Variants in BIN3 observed in about 807,000 individuals in gnomAD.
BIN3 encodes bridging integrator 3.
In BIN3, 41 loss-of-function variants were observed where a neutral mutation model predicts 38.2. That is an observed-to-expected ratio of 1.07 (90% confidence interval 0.84 to 1.39). BIN3 has a LOEUF of 1.39. Ranked by LOEUF, BIN3 falls within the 40% of genes most tolerant of loss-of-function variation. BIN3 has a pLI of 0.00. For missense variants in BIN3, 361 were observed against 324.3 expected (o/e 1.11, Z -0.87); for synonymous variants, 145 against 122.6 (o/e 1.18, Z -1.21).
chr8:22,630,585 G>A lies in BIN3; in HGVS notation c.161-7C>T, dbSNP rs750251527. ...ACGGCAGATTTTGACATGGCTGTGG[G>A]AAGCCAAAGCTCGGTGAACCTTCTA... On this transcript the variant is annotated splice_region_variant and splice_polypyrimidine_tract_variant and intron_variant, in intron 4 of 8. Coordinates refer to ENST00000276416, the MANE Select transcript of BIN3 (RefSeq NM_018688.6). 1 of 1,613,790 alleles carries A rather than the reference G, an allele frequency of 6.2e-7. No individual in the cohort carries two copies. Among genetic ancestry groups the A allele is most frequent in the Non-Finnish European group, 8.5e-7 (1 of 1,179,770 alleles).
At chr8:22,630,846 G>C (rs1030655914) in intron 4 of BIN3, among the ~76,000 whole-genome samples, 1 of 152,178 alleles carries the variant, frequency 6.6e-6, no homozygotes, top group Admixed American at 6.5e-5. Flanking sequence ...AGGACCATCT[G>C]GGTGGGAGGC....
At chr8:22,662,367 T>A (rs939334487) in intron 1 of BIN3, among the ~76,000 whole-genome samples, 1 of 152,268 alleles carries the variant, frequency 6.6e-6, no homozygotes, top group Non-Finnish European at 1.5e-5. Flanking sequence ...CTGATGGCTG[T>A]GAAACAGCAT....
chr8:22,661,472 C>T (rs959271506), intron 1 of BIN3, among the ~76,000 whole-genome samples: 3 of 148,034 alleles, frequency 2.0e-5, no homozygotes, highest in African/African-American at 7.5e-5. Flanking sequence ...ATTCTCCTGC[C>T]TCAGCCTCCC....
intron 4 of BIN3, among the ~76,000 whole-genome samples, chr8:22,634,078 G>T (rs1585184368): frequency 6.6e-6 from 1 of 152,236 alleles, no homozygotes; most frequent in Non-Finnish European, 1.5e-5. Flanking sequence ...GCACACCCTG[G>T]CTTCGTTTAT....
At chr8:22,650,029 G>A (rs10216729) in intron 1 of BIN3, among the ~76,000 whole-genome samples, 10,213 of 152,050 alleles carry the variant, frequency 0.067, 483 homozygotes, top group African/African-American at 0.14. Flanking sequence ...TAAGAGCTAC[G>A]GAAGTAAAAT....
At chr8:22,629,101 C>A (rs1300449376) in intron 6 of BIN3, among the ~76,000 whole-genome samples, 1 of 152,222 alleles carries the variant, frequency 6.6e-6, no homozygotes, top group Non-Finnish European at 1.5e-5. Flanking sequence ...CCTGCACAAT[C>A]AACGAACAGC....
Position 22,621,351 on chromosome 8 carries a change from G to C in BIN3, c.*71C>G, listed in dbSNP as rs1323977512. On this transcript the variant is annotated 3_prime_UTR_variant, in exon 9 of 9. Coordinates refer to ENST00000276416, the MANE Select transcript of BIN3 (RefSeq NM_018688.6). The stretch of plus-strand genomic sequence containing the variant: ...CTGTCCCCAGCCTGTGAGAGGAGCA[G>C]CTAGCCCTGAGAAGGGCAAGGATGA... 1 of 1,527,972 alleles carries C rather than the reference G, an allele frequency of 6.5e-7. No homozygotes were observed. The highest frequency in any genetic ancestry group is 8.8e-7 in the Non-Finnish European group (1 of 1,132,214). 94.7% of individuals were successfully genotyped at this position (1,527,972 alleles called of 1,614,324 possible). A position where few individuals can be genotyped will look rare whatever the true frequency, so the allele number is the denominator to read the frequency against.
At chr8:22,648,366 G>C (rs192081721) in intron 1 of BIN3, among the ~76,000 whole-genome samples, 2 of 152,186 alleles carry the variant, frequency 1.3e-5, no homozygotes, top group Admixed American at 1.3e-4. Flanking sequence ...GTCACCTTCA[G>C]TCACTATGTG....
intron 1 of BIN3, among the ~76,000 whole-genome samples, chr8:22,663,076 ACCACTGCACT>A (rs1803288688): frequency 1.3e-5 from 2 of 152,316 alleles, no homozygotes; most frequent in Admixed American, 1.3e-4. Context: ...CTGAGATGGC[ACCACTGCACT>A]CCAGCCTGGG....
At chr8:22,641,255 C>T (rs143361125) in intron 2 of BIN3, among the ~76,000 whole-genome samples, 6 of 152,294 alleles carry the variant, frequency 3.9e-5, no homozygotes, top group African/African-American at 7.2e-5. Flanking sequence ...GCCAGGCTGG[C>T]GAGGTTAGCT....
At chr8:22,644,988 G>T (rs1227699396) in intron 1 of BIN3, 185 bp from the exon 2 acceptor site, 5 of 552,980 alleles carry the variant, frequency 9.0e-6, no homozygotes, top group Non-Finnish European at 1.3e-5. Context: ...CTAAGAGAGA[G>T]ATAGGTCCTC....
intron 1 of BIN3, among the ~76,000 whole-genome samples, chr8:22,646,808 C>G (rs1436335189): frequency 6.6e-6 from 1 of 152,210 alleles, no homozygotes; most frequent in African/African-American, 2.4e-5. Context: ...TTTTCCCATT[C>G]TCAGGGATTA....
At chr8:22,623,150 T>G (rs569574450) in intron 8 of BIN3, among the ~76,000 whole-genome samples, 38 of 152,338 alleles carry the variant, frequency 2.5e-4, no homozygotes, top group Non-Finnish European at 4.3e-4. Flanking sequence ...CTAAGGCTGT[T>G]GCTGAGCGCA....
intron 2 of BIN3, among the ~76,000 whole-genome samples, chr8:22,640,787 C>T (rs1332879595): frequency 6.6e-6 from 1 of 151,696 alleles, no homozygotes; most frequent in Non-Finnish European, 1.5e-5. Flanking sequence ...TGGACTTGTA[C>T]CGGGAGGGAC....
At chr8:22,651,743 T>C (rs1441234683) in intron 1 of BIN3, among the ~76,000 whole-genome samples, 1 of 152,154 alleles carries the variant, frequency 6.6e-6, no homozygotes. Flanking sequence ...TAGGAATATA[T>C]GTTTGTCACG....
intron 1 of BIN3, among the ~76,000 whole-genome samples, chr8:22,658,226 C>A (rs966039495): frequency 1.8e-4 from 28 of 152,262 alleles, no homozygotes; most frequent in African/African-American, 6.5e-4. Context: ...GAAAACATTT[C>A]TTTCAACCCT....
At chr8:22,629,689 A>T (rs1428062340) in intron 6 of BIN3, 2 of 549,714 alleles carry the variant, frequency 3.6e-6, no homozygotes, top group Admixed American at 6.1e-5. Flanking sequence ...GAAGCGGTCA[A>T]ATGACCACCA....
chr8:22,660,247 A>G (rs1223265396), intron 1 of BIN3, among the ~76,000 whole-genome samples: 2 of 152,248 alleles, frequency 1.3e-5, no homozygotes, highest in Non-Finnish European at 2.9e-5. Flanking sequence ...ACAAGTAATC[A>G]CCGATTCTCA....
chr8:22,638,914 T>C (rs1802453398), intron 2 of BIN3, among the ~76,000 whole-genome samples: 1 of 152,182 alleles, frequency 6.6e-6, no homozygotes, highest in African/African-American at 2.4e-5. Flanking sequence ...CAAAAGCTAC[T>C]CGTAAGAAAA....
Sources: gnomAD v4.1 joint callset for allele counts (sites outside exome capture counted in the v4.1 genomes callset) on GRCh38, gnomAD v4.1.1 for gene constraint, MANE v1.5 for transcripts, NCBI Gene and HGNC (gene_info 2026-07-23, HGNC 2026-07-21) for gene names.